IGF1R: variants seen among roughly 807,000 people sequenced by gnomAD.
IGF1R encodes insulin-like growth factor 1 receptor.
A neutral mutation model predicts 144.6 loss-of-function variants in IGF1R; 44 were observed. The observed-to-expected ratio is 0.30, with a 90% CI of 0.24 to 0.39. The LOEUF (loss-of-function observed/expected upper bound fraction) is 0.39. IGF1R is among the 10% of genes least tolerant of loss of function. The pLI, the probability that IGF1R is intolerant of heterozygous loss-of-function variation, is 1.00. For missense variants in IGF1R, 1,355 were observed against 1,833.7 expected (o/e 0.74, Z 4.77); for synonymous variants, 795 against 722.8 (o/e 1.10, Z -1.60).
intron 1 of IGF1R, among the ~76,000 whole-genome samples, chr15:98,680,581 A>G (rs1401630128): frequency 6.6e-6 from 1 of 150,784 alleles, no homozygotes; most frequent in African/African-American, 2.4e-5. Flanking sequence ...TTTCGTTTTT[A>G]AGAGACAGGG....
chr15:98,929,063 T>C (rs893292216), intron 13 of IGF1R, among the ~76,000 whole-genome samples: 1 of 152,094 alleles, frequency 6.6e-6, no homozygotes, highest in African/African-American at 2.4e-5. Context: ...TTCTATTTAT[T>C]AGAAATAGAA....
chr15:98,751,724 T>C (rs1451032469), intron 2 of IGF1R, among the ~76,000 whole-genome samples: 1 of 152,226 alleles, frequency 6.6e-6, no homozygotes, highest in African/African-American at 2.4e-5. Context: ...TATGGCCAAG[T>C]TGCTTTCCAA....
At chr15:98,907,385 C>T (rs549068895) in intron 5 of IGF1R, among the ~76,000 whole-genome samples, 3 of 152,310 alleles carry the variant, frequency 2.0e-5, no homozygotes, top group African/African-American at 7.2e-5. Context: ...CAGACGAAGC[C>T]TTAGGGGTTC....
At chr15:98,896,059 C>G (rs1438427801) in intron 3 of IGF1R, among the ~76,000 whole-genome samples, 5 of 152,052 alleles carry the variant, frequency 3.3e-5, no homozygotes, top group African/African-American at 1.2e-4. Context: ...GTGGCATGTT[C>G]AGGATAGTAT....
intron 15 of IGF1R, among the ~76,000 whole-genome samples, chr15:98,934,114 AC>A (rs2016049237): frequency 8.2e-6 from 1 of 122,286 alleles, no homozygotes; most frequent in Non-Finnish European, 1.7e-5. Flanking sequence ...TAAATATTTC[AC>A]TTTTTTTTTT....
chr15:98,948,525 G>A (rs768018570), intron 19 of IGF1R, 49 bp from the exon 20 acceptor site: 1 of 1,600,216 alleles, frequency 6.2e-7, no homozygotes, highest in Non-Finnish European at 8.6e-7. Flanking sequence ...GGGCAGCATT[G>A]TTCAGTCCAT....
chr15:98,757,366 A>G (rs2055180608), intron 2 of IGF1R, among the ~76,000 whole-genome samples: 1 of 152,004 alleles, frequency 6.6e-6, no homozygotes, highest in Non-Finnish European at 1.5e-5. Context: ...GTCTCACTAT[A>G]TTGGCCAGGC....
chr15:98,910,931 T>A (rs2014984095), intron 6 of IGF1R, among the ~76,000 whole-genome samples: 1 of 152,226 alleles, frequency 6.6e-6, no homozygotes, highest in African/African-American at 2.4e-5. Context: ...TTAAGAAGTT[T>A]CAGGGCAGCC....
chr15:98,649,793 C>A, intron 1 of IGF1R, 118 bp downstream of exon 1: 3 of 752,660 alleles, frequency 4.0e-6, no homozygotes, highest in Non-Finnish European at 6.7e-6. Flanking sequence ...GGCTCGGGAG[C>A]GGCGGGGTGG....
At chr15:98,888,257 G>A (rs1045108211) in intron 2 of IGF1R, among the ~76,000 whole-genome samples, 1 of 152,200 alleles carries the variant, frequency 6.6e-6, no homozygotes, top group African/African-American at 2.4e-5. Flanking sequence ...TTAAATAGCT[G>A]CTAAATGAAT....
chr15:98,832,884 T>G (rs2057027208), intron 2 of IGF1R, among the ~76,000 whole-genome samples: 1 of 152,258 alleles, frequency 6.6e-6, no homozygotes, highest in Non-Finnish European at 1.5e-5. Flanking sequence ...TTGTAAATAG[T>G]ACGTTACCAG....
intron 2 of IGF1R, among the ~76,000 whole-genome samples, chr15:98,830,604 TC>T (rs1386961403): frequency 6.9e-6 from 1 of 145,112 alleles, no homozygotes; most frequent in Non-Finnish European, 1.5e-5. Flanking sequence ...CTGATCATCA[TC>T]TTTTTTTTTT....
chr15:98,796,349 T>C (rs2141425709), intron 2 of IGF1R, among the ~76,000 whole-genome samples: 1 of 152,326 alleles, frequency 6.6e-6, no homozygotes, highest in Admixed American at 6.5e-5. Flanking sequence ...TTGGAAAGAT[T>C]TCAGCCAACT....
intron 13 of IGF1R, among the ~76,000 whole-genome samples, chr15:98,928,259 T>C (rs1229074662): frequency 2.0e-5 from 3 of 152,140 alleles, no homozygotes; most frequent in African/African-American, 7.2e-5. Context: ...CCAGATCATC[T>C]CTGTGAGTCT....
chr15:98,899,742 G>A (rs564304435), intron 5 of IGF1R, 121 bp downstream of exon 5: 132 of 967,846 alleles, frequency 1.4e-4, no homozygotes, highest in African/African-American at 1.2e-3. Context: ...GGAGGAAGCC[G>A]CAGTATTGCC....
At chr15:98,666,290 C>CT (rs556406397) in intron 1 of IGF1R, among the ~76,000 whole-genome samples, 5,716 of 144,930 alleles carry the variant, frequency 0.039, 333 homozygotes, top group African/African-American at 0.13. Context: ...ATGGCACAGC[C>CT]TTTTTTTTTT....
chr15:98,770,512 T>A (rs921355386), intron 2 of IGF1R, among the ~76,000 whole-genome samples: 2 of 152,162 alleles, frequency 1.3e-5, no homozygotes, highest in Non-Finnish European at 2.9e-5. Flanking sequence ...ATGATGGATA[T>A]CCTAATTATT....
At chr15:98,818,880 T>C (rs1176253682) in intron 2 of IGF1R, among the ~76,000 whole-genome samples, 1 of 152,060 alleles carries the variant, frequency 6.6e-6, no homozygotes, top group Admixed American at 6.5e-5. Flanking sequence ...TTGTAGTGGA[T>C]AGATTTAGGA....
chr15:98,837,872 T>C (rs919533840), intron 2 of IGF1R, among the ~76,000 whole-genome samples: 2 of 152,202 alleles, frequency 1.3e-5, no homozygotes, highest in Non-Finnish European at 2.9e-5. Context: ...GGAGATATCT[T>C]TTCAATGTTG....
Sources: gnomAD v4.1 joint callset for allele counts (sites outside exome capture counted in the v4.1 genomes callset) on GRCh38, gnomAD v4.1.1 for gene constraint, MANE v1.5 for transcripts, NCBI Gene and HGNC (gene_info 2026-07-23, HGNC 2026-07-21) for gene names.